The following COL23A1 variants were observed in gnomAD, a reference collection of about 807,000 sequenced individuals.
The protein encoded by COL23A1 is collagen alpha-1(XXIII) chain.
Under a neutral mutation model 99.3 loss-of-function variants are expected in COL23A1, and 97 were observed. That is an observed-to-expected ratio of 0.98 (90% CI 0.83 to 1.16). The LOEUF is 1.16. Ranked by LOEUF, COL23A1 falls within the 50% of genes most tolerant of loss-of-function variation. The pLI, the probability that COL23A1 is intolerant of heterozygous loss-of-function variation, is 0.00. For missense variants in COL23A1, 762 were observed against 757.4 expected (o/e 1.01, Z -0.07); for synonymous variants, 320 against 308.2 (o/e 1.04, Z -0.40).
At chr5:178,402,021 G>A (rs1764476162) in intron 2 of COL23A1, among the ~76,000 whole-genome samples, 1 of 152,068 alleles carries the variant, frequency 6.6e-6, no homozygotes, top group African/African-American at 2.4e-5. Flanking sequence ...TCATGATGTT[G>A]GCCAGGCTGG....
At chr5:178,523,890 C>G (rs1760161857) in intron 2 of COL23A1, among the ~76,000 whole-genome samples, 1 of 152,198 alleles carries the variant, frequency 6.6e-6, no homozygotes, top group Non-Finnish European at 1.5e-5. Context: ...ACTACCTGGG[C>G]TCTGAACACG....
intron 2 of COL23A1, among the ~76,000 whole-genome samples, chr5:178,541,642 G>T (rs755382895): frequency 2.0e-5 from 3 of 152,158 alleles, no homozygotes; most frequent in African/African-American, 7.2e-5. Flanking sequence ...CTGCTGTAAG[G>T]TTTGTACACA....
At chr5:178,451,688 A>G (rs1256723057) in intron 2 of COL23A1, among the ~76,000 whole-genome samples, 5 of 147,118 alleles carry the variant, frequency 3.4e-5, no homozygotes, top group Admixed American at 2.7e-4. Context: ...TAACACGGAA[A>G]TCAATAGTTT....
intron 8 of COL23A1, 127 bp from the exon 9 acceptor site, chr5:178,263,451 G>T: frequency 1.6e-6 from 1 of 636,370 alleles, no homozygotes; most frequent in South Asian, 2.0e-5. Context: ...AAAGGGGAGG[G>T]CTTTGTTATT....
intron 2 of COL23A1, among the ~76,000 whole-genome samples, chr5:178,495,546 G>T (rs1382372531): frequency 1.3e-5 from 2 of 152,146 alleles, no homozygotes; most frequent in Non-Finnish European, 2.9e-5. Context: ...GGGGGAGAAG[G>T]GTGGGGAGTT....
chr5:178,473,292 C>CG (rs1179003649), intron 2 of COL23A1, among the ~76,000 whole-genome samples: 4 of 151,736 alleles, frequency 2.6e-5, no homozygotes, highest in Non-Finnish European at 5.9e-5. Flanking sequence ...TGCAAGTACA[C>CG]GCCATTTGAC....
chr5:178,291,169 A>C (rs1757437041), intron 3 of COL23A1, among the ~76,000 whole-genome samples: 1 of 152,172 alleles, frequency 6.6e-6, no homozygotes, highest in African/African-American at 2.4e-5. Context: ...CTGTGCACTA[A>C]GCCACGCGGC....
chr5:178,296,017 G>C (rs1757722933), intron 3 of COL23A1, among the ~76,000 whole-genome samples: 1 of 152,188 alleles, frequency 6.6e-6, no homozygotes, highest in Non-Finnish European at 1.5e-5. Flanking sequence ...CTCACCCTGG[G>C]CTCTTTCACA....
At chr5:178,341,665 CTGCCCACA>C (rs1471586602) in intron 2 of COL23A1, among the ~76,000 whole-genome samples, 1 of 152,008 alleles carries the variant, frequency 6.6e-6, no homozygotes, top group African/African-American at 2.4e-5. Flanking sequence ...GCCTGCCCAC[CTGCCCACA>C]GGTTGCCCCC....
intron 2 of COL23A1, among the ~76,000 whole-genome samples, chr5:178,541,542 TC>T (rs1761288767): frequency 6.6e-6 from 1 of 152,198 alleles, no homozygotes; most frequent in Admixed American, 6.5e-5. Flanking sequence ...GCCACTGCAC[TC>T]CAGCCTGGGT....
chr5:178,379,419 A>G (rs35051414), intron 2 of COL23A1, among the ~76,000 whole-genome samples: 33,785 of 152,018 alleles, frequency 0.22, 4,615 homozygotes, highest in African/African-American at 0.36. Flanking sequence ...ATGGACACAC[A>G]TGAATCTGGT....
intron 2 of COL23A1, among the ~76,000 whole-genome samples, chr5:178,507,486 C>T (rs564935810): frequency 1.5e-4 from 23 of 152,198 alleles, no homozygotes; most frequent in Admixed American, 3.9e-4. Flanking sequence ...CTCTGTAAGA[C>T]GCTGATAATA....
At chr5:178,249,716 A>ACACACACACACACACACT in intron 18 of COL23A1, among the ~76,000 whole-genome samples, 13 of 92,806 alleles carry the variant, frequency 1.4e-4, no homozygotes, top group African/African-American at 4.7e-4. Flanking sequence ...ACACACACAC[A>ACACACACACACACACACT]CTCTCTCTCT....
intron 2 of COL23A1, among the ~76,000 whole-genome samples, chr5:178,480,426 G>C (rs1414775579): frequency 2.0e-5 from 3 of 152,162 alleles, no homozygotes; most frequent in Admixed American, 2.0e-4. Flanking sequence ...CTGGTGCAGG[G>C]CCCAGTCTCC....
chr5:178,297,149 T>A (rs1757789791), intron 3 of COL23A1, among the ~76,000 whole-genome samples: 1 of 152,234 alleles, frequency 6.6e-6, no homozygotes, highest in African/African-American at 2.4e-5. Flanking sequence ...TCACATTGGC[T>A]GTGTTCCTGC....
intron 1 of COL23A1, among the ~76,000 whole-genome samples, chr5:178,586,747 T>A (rs576237641): frequency 1.3e-5 from 2 of 152,102 alleles, no homozygotes; most frequent in African/African-American, 4.8e-5. Context: ...TTACACTGCA[T>A]CTCCAGTTGT....
At chr5:178,370,357 T>G (rs1288036761) in intron 2 of COL23A1, among the ~76,000 whole-genome samples, 1 of 152,168 alleles carries the variant, frequency 6.6e-6, no homozygotes, top group Non-Finnish European at 1.5e-5. Flanking sequence ...ATCCTGTCAT[T>G]TGAGACAATA....
rs560459296 is a variant in COL23A1 at position 178,347,420 on chromosome 5, G to A, written c.362-40501C>T. On this transcript the variant is annotated intron_variant, in intron 2 of 28. Transcript: ENST00000390654. ...ACGGGGATGCCAGAGCCTGGGGGAC[G>A]GGCATGGGGGGAGGGGTATGGGGAG... 4.0e-5 allele frequency among the ~76,000 whole-genome samples: 6 copies of A among 151,456 alleles called. No individual in the cohort carries two copies. In the South Asian group the frequency reaches 6.3e-4, roughly 16 times the overall value.
intron 2 of COL23A1, among the ~76,000 whole-genome samples, chr5:178,370,803 G>A (rs761273366): frequency 1.4e-4 from 21 of 152,164 alleles, no homozygotes; most frequent in Non-Finnish European, 2.4e-4. Flanking sequence ...TTAGCCCAGC[G>A]TGGTGGTGTG....
Sources: gnomAD v4.1 joint callset for allele counts (sites outside exome capture counted in the v4.1 genomes callset) on GRCh38, gnomAD v4.1.1 for gene constraint, MANE v1.5 for transcripts, NCBI Gene and HGNC (gene_info 2026-07-23, HGNC 2026-07-21) for gene names.